Variants in RIC3 observed in about 807,000 individuals in gnomAD.
RIC3 encodes the protein RIC3 acetylcholine receptor chaperone.
A neutral mutation model predicts 27.3 loss-of-function variants in RIC3; 28 were observed. That is an observed-to-expected ratio of 1.02 (90% confidence interval 0.76 to 1.41). The LOEUF (loss-of-function observed/expected upper bound fraction) is 1.41, where lower values mean the gene tolerates loss of function less well. Among genes scored for constraint, RIC3 ranks in the 40% most tolerant of loss-of-function variants. The pLI is 0.00. For synonymous variants in RIC3, 184 were observed against 160.4 expected, an observed-to-expected ratio of 1.15 and a Z score of -1.11; for missense variants, 501 against 444.7, an observed-to-expected ratio of 1.13 and a Z score of -1.14.
At position 8,168,903 on chromosome 11, in the gene RIC3, G is replaced by A. The variant is rs758810146; in HGVS notation, c.87C>T (p.Ser29=). 6.2e-7 allele frequency: 1 copy of A among 1,611,956 alleles called. No individual in the cohort carries two copies. Among genetic ancestry groups the A allele is most frequent in the Non-Finnish European group, 8.5e-7 (1 of 1,179,122 alleles). The change falls in exon 1 of 6, where the codon TCC becomes TCT. Residue 29 remains serine (S), a synonymous_variant. Coordinates refer to ENST00000309737, the MANE Select transcript of RIC3 (RefSeq NM_001206671.4). ...LSLLLPKAFL[S]RGKRQEPPPT... is the part of the protein sequence containing the mutation. ...GCGGCGGCTCCTGCCGCTTCCCGCG[G>A]GACAGGAAGGCCTTGGGCAGCAGCA...
downstream of RIC3, chr11:8,101,741 G>C (rs1449922268): frequency 2.8e-6 from 4 of 1,451,204 alleles, no homozygotes; most frequent in South Asian, 2.9e-5. Flanking sequence ...TTGGCCCTCA[G>C]TGGGCTCCCT....
chr11:8,097,199 G>C, the RIC3 span: 2 of 1,612,612 alleles, frequency 1.2e-6, no homozygotes, highest in Non-Finnish European at 1.7e-6. Context: ...GGTCCTTGGG[G>C]CTCAGGCACC....
At chr11:8,099,765 C>T in the RIC3 span, among the ~76,000 whole-genome samples, 5 of 152,148 alleles carry the variant, frequency 3.3e-5, no homozygotes, top group African/African-American at 4.8e-5. Context: ...GCAGGGAGGG[C>T]GTCACTGAGG....
chr11:8,101,193 T>A (rs1231253373), downstream of RIC3, among the ~76,000 whole-genome samples: 1 of 152,194 alleles, frequency 6.6e-6, no homozygotes, highest in Non-Finnish European at 1.5e-5. Context: ...GCCCTGGTCC[T>A]AGATTCTGTG....
downstream of RIC3, chr11:8,101,857 C>CGA: frequency 1.7e-6 from 1 of 576,040 alleles, no homozygotes. Flanking sequence ...TCTTTCCATG[C>CGA]CACGAGATCA....
At chr11:8,133,647 C>A (rs1948007605) in intron 4 of RIC3, among the ~76,000 whole-genome samples, 1 of 152,194 alleles carries the variant, frequency 6.6e-6, no homozygotes, top group African/African-American at 2.4e-5. Context: ...AGTAAACATT[C>A]TGGGCTAGAA....
intron 1 of RIC3, among the ~76,000 whole-genome samples, chr11:8,164,634 C>T (rs1288630393): frequency 6.6e-6 from 1 of 151,636 alleles, no homozygotes; most frequent in Non-Finnish European, 1.5e-5. Flanking sequence ...AAAAATTAGC[C>T]AGCTATGGTG....
At position 8,108,929 on chromosome 11, in the gene RIC3, AC is replaced by A. The variant is rs1944955090; in HGVS notation, c.*1768del. On this transcript the variant is annotated 3_prime_UTR_variant, in exon 6 of 6. Transcript: ENST00000309737. ...CCCTCACAGTGAACGAAGGGAAATA[AC>A]ACAGAAAACAATTTATCTAAACAGT... The A allele has an allele frequency of 6.6e-6, 1 of 152,246 alleles. No homozygotes were observed. The highest frequency in any genetic ancestry group is 2.1e-4 in the South Asian group (1 of 4,830). 9.4% of individuals were successfully genotyped at this position (152,246 alleles called of 1,614,324 possible).
intron 1 of RIC3, among the ~76,000 whole-genome samples, chr11:8,151,902 G>C (rs1334259350): frequency 1.3e-5 from 2 of 149,108 alleles, no homozygotes; most frequent in Non-Finnish European, 3.0e-5. Context: ...GGGGACAGAA[G>C]TGAGACTCGG....
At chr11:8,094,836 G>A in the RIC3 span, among the ~76,000 whole-genome samples, 1 of 152,226 alleles carries the variant, frequency 6.6e-6, no homozygotes, top group Admixed American at 6.5e-5. Flanking sequence ...GGACAGTGAT[G>A]TGTCACAGGC....
intron 1 of RIC3, among the ~76,000 whole-genome samples, chr11:8,154,739 A>G (rs929570443): frequency 6.6e-6 from 1 of 151,360 alleles, no homozygotes; most frequent in Non-Finnish European, 1.5e-5. Context: ...TTACATTACA[A>G]ATAAGATTTG....
At chr11:8,155,904 C>T (rs1950617763) in intron 1 of RIC3, among the ~76,000 whole-genome samples, 1 of 152,168 alleles carries the variant, frequency 6.6e-6, no homozygotes, top group East Asian at 1.9e-4. Flanking sequence ...AAGTAGAAGC[C>T]AAGACAATAG....
intron 1 of RIC3, among the ~76,000 whole-genome samples, chr11:8,152,016 G>T (rs564878063): frequency 6.6e-6 from 1 of 151,846 alleles, no homozygotes; most frequent in Non-Finnish European, 1.5e-5. Context: ...AACACCATTC[G>T]CCACCAAGGA....
intron 1 of RIC3, 72 bp from the exon 2 acceptor site, chr11:8,140,265 T>C: frequency 1.4e-6 from 2 of 1,392,268 alleles, no homozygotes; most frequent in South Asian, 1.4e-5. Flanking sequence ...CACCAAATCA[T>C]TAAGGTATAA....
intron 1 of RIC3, among the ~76,000 whole-genome samples, chr11:8,163,424 G>T (rs79846797): frequency 0.019 from 2,944 of 151,794 alleles, 52 homozygotes; most frequent in South Asian, 0.048. Context: ...TGCACTAAAG[G>T]TTCCAGCTAG....
At position 8,140,046 on chromosome 11, in the gene RIC3, C is replaced by CTA. The variant is rs1948871685; in HGVS notation, c.270_271dup (p.Ser91IlefsTer6). 2.5e-6 allele frequency: 4 copies of CTA among 1,613,996 alleles called. No homozygotes were observed. In the African/African-American group the frequency reaches 5.3e-5, roughly 22 times the overall value. ...AATCTGCCCCATCAGACCTCTTCCA[C>CTA]TACCTCCTCCTCCAGCACCTCCACC... On this transcript the variant is annotated frameshift_variant, in exon 2 of 6. Coordinates refer to ENST00000309737, the MANE Select transcript of RIC3 (RefSeq NM_001206671.4). LOFTEE classifies it high-confidence loss of function.
chr11:8,095,352 T>G, the RIC3 span: 1 of 741,898 alleles, frequency 1.3e-6, no homozygotes, highest in Non-Finnish European at 2.2e-6. Context: ...GCTGGTGCAA[T>G]CATTAGTTTT....
chr11:8,137,232 C>G, intron 4 of RIC3, 146 bp downstream of exon 4: 1 of 658,066 alleles, frequency 1.5e-6, no homozygotes, highest in Non-Finnish European at 2.7e-6. Context: ...TCATGTTGGT[C>G]AGGATGGTCT....
Position 8,108,100 on chromosome 11 carries a change from T to C in RIC3, c.*2598A>G, listed in dbSNP as rs1222391110. The C allele has an allele frequency of 6.6e-6, 1 of 152,216 alleles. No individual in the cohort carries two copies. The highest frequency in any genetic ancestry group is 1.5e-5 in the Non-Finnish European group (1 of 68,040). 9.4% of individuals were successfully genotyped at this position (152,216 alleles called of 1,614,324 possible). A position where few individuals can be genotyped will look rare whatever the true frequency, so the allele number is the denominator to read the frequency against. On this transcript the variant is annotated 3_prime_UTR_variant, in exon 6 of 6. Transcript: ENST00000309737. ...AATACACAAATATATTCCTTATATA[T>C]AAACCAACCAAGAGCTAGGGCAGGA...
Sources: allele counts gnomAD v4.1 joint callset (sites outside exome capture counted in the v4.1 genomes callset), GRCh38; gene constraint gnomAD v4.1.1; transcripts MANE v1.5; gene names NCBI Gene and HGNC (gene_info 2026-07-23, HGNC 2026-07-21).